CDH10: variants seen among roughly 807,000 people sequenced by gnomAD.
CDH10 encodes cadherin-10.
A neutral mutation model predicts 73.1 loss-of-function variants in CDH10; 30 were observed. The observed-to-expected ratio is 0.41, with a 90% CI of 0.31 to 0.56. The LOEUF (loss-of-function observed/expected upper bound fraction) is 0.56, where lower values mean the gene tolerates loss of function less well. Ranked by LOEUF, CDH10 falls within the 20% of genes least tolerant of loss-of-function variation. The pLI is 0.27. For synonymous variants in CDH10, 345 were observed against 348.2 expected, an observed-to-expected ratio of 0.99 and a Z score of 0.10; for missense variants, 815 against 973.7, an observed-to-expected ratio of 0.84 and a Z score of 2.17.
intron 7 of CDH10, 133 bp from the exon 8 acceptor site, chr5:24,505,381 T>A: frequency 1.4e-6 from 1 of 726,260 alleles, no homozygotes; most frequent in African/African-American, 1.8e-5. Flanking sequence ...GAATGTAGAT[T>A]GTTTGAATGA....
intron 5 of CDH10, among the ~76,000 whole-genome samples, chr5:24,531,297 A>G (rs1743736418): frequency 6.6e-6 from 1 of 152,048 alleles, no homozygotes; most frequent in Non-Finnish European, 1.5e-5. Context: ...CCAGTCACTG[A>G]TGCTTTTACT....
chr5:24,583,379 G>T (rs1579841420), intron 2 of CDH10, among the ~76,000 whole-genome samples: 1 of 152,034 alleles, frequency 6.6e-6, no homozygotes, highest in East Asian at 1.9e-4. Flanking sequence ...GGATCAAGAT[G>T]AGAATCTTAG....
rs2111878754 is a variant in CDH10, at chr5:24,535,249, T to C, written c.677A>G (p.Asn226Ser). 3.1e-6 allele frequency: 5 copies of C among 1,613,020 alleles called. No homozygotes were observed. Among genetic ancestry groups the C allele is most frequent in the Non-Finnish European group, 4.2e-6 (5 of 1,179,518 alleles). ...TTGGTATTGCTCTCTGTTTTCTCTG[T>C]TCATGTTCGGTAAAGCAGTCCTGAT... Reference protein sequence around the residue: ...GIIRTALPNMNRENREQYQVV... With the variant: ...GIIRTALPNMSRENREQYQVV... Residue 226 changes from asparagine (N) to serine (S), a missense_variant, in exon 5 of 12, where the codon AAC (asparagine) becomes AGC (serine). This residue lies in a region of CDH10 where 516 missense variants were observed against 636.6 expected (regional missense o/e 0.81). Transcript: ENST00000264463.
intron 2 of CDH10, among the ~76,000 whole-genome samples, chr5:24,551,960 C>A (rs1449376706): frequency 6.6e-6 from 1 of 151,850 alleles, no homozygotes; most frequent in Non-Finnish European, 1.5e-5. Flanking sequence ...ATTTATTTTC[C>A]ATTTTTGACA....
At chr5:24,503,565 A>G (rs1249503807) in intron 8 of CDH10, among the ~76,000 whole-genome samples, 1 of 152,180 alleles carries the variant, frequency 6.6e-6, no homozygotes, top group African/African-American at 2.4e-5. Context: ...TTGTCCTAGT[A>G]TGGGCAAGAA....
intron 2 of CDH10, among the ~76,000 whole-genome samples, chr5:24,582,791 T>TA (rs1426778842): frequency 6.6e-6 from 1 of 152,106 alleles, no homozygotes; most frequent in Non-Finnish European, 1.5e-5. Flanking sequence ...GCATGAACAA[T>TA]AAAATGTCAC....
At chr5:24,597,724 C>A (rs546164591) in intron 1 of CDH10, among the ~76,000 whole-genome samples, 2 of 151,936 alleles carry the variant, frequency 1.3e-5, no homozygotes, top group Non-Finnish European at 2.9e-5. Flanking sequence ...ATATTATTTT[C>A]TCTATAACCT....
intron 1 of CDH10, among the ~76,000 whole-genome samples, chr5:24,635,222 T>A (rs530876120): frequency 4.4e-4 from 67 of 152,030 alleles, no homozygotes; most frequent in Admixed American, 1.2e-3. Flanking sequence ...TTCTTGAGAT[T>A]TATAGGTATC....
chr5:24,493,037 C>A, intron 9 of CDH10, 112 bp from the exon 10 acceptor site: 3 of 614,968 alleles, frequency 4.9e-6, no homozygotes, highest in East Asian at 2.6e-5. Context: ...ACTTTTATTT[C>A]ATGTGAATGT....
In CDH10 at chr5:24,511,545, C is replaced by CAGAGAGAGAG. The variant is rs55901211; in HGVS notation, c.815-41_815-32dup. ...AAGTATAAAGAAAAGAAGAGAGAGA[C>CAGAGAGAGAG]AGAGAGAGAGAGAGAGAGAGAGAGA... On this transcript the variant is annotated intron_variant, in intron 5 of 11. Coordinates refer to ENST00000264463, the MANE Select transcript of CDH10 (RefSeq NM_006727.5). 6.4e-3 allele frequency: 3,692 copies of CAGAGAGAGAG among 573,910 alleles called. 74 individuals are homozygous for CAGAGAGAGAG. Among genetic ancestry groups the CAGAGAGAGAG allele is most frequent in the African/African-American group, 0.015 (679 of 46,282 alleles). 35.6% of individuals were successfully genotyped at this position (573,910 alleles called of 1,614,324 possible). A position where few individuals can be genotyped will look rare whatever the true frequency, so the allele number is the denominator to read the frequency against.
intron 2 of CDH10, 79 bp from the exon 3 acceptor site, chr5:24,537,753 C>A: frequency 1.2e-6 from 1 of 857,072 alleles, no homozygotes; most frequent in Non-Finnish European, 1.8e-6. Flanking sequence ...GAAGGTCTTT[C>A]ATGTCTCATC....
intron 1 of CDH10, among the ~76,000 whole-genome samples, chr5:24,594,592 C>T (rs1414977068): frequency 6.6e-6 from 1 of 151,838 alleles, no homozygotes; most frequent in Non-Finnish European, 1.5e-5. Flanking sequence ...GACTCTTCTC[C>T]AGCCACAGGG....
intron 5 of CDH10, among the ~76,000 whole-genome samples, chr5:24,517,391 G>A (rs1313323776): frequency 6.6e-6 from 1 of 152,120 alleles, no homozygotes; most frequent in Non-Finnish European, 1.5e-5. Context: ...TTCTAAGTCT[G>A]AAGAATTGAA....
At chr5:24,636,126 T>C (rs1747858779) in intron 1 of CDH10, among the ~76,000 whole-genome samples, 1 of 151,972 alleles carries the variant, frequency 6.6e-6, no homozygotes, top group South Asian at 2.1e-4. Context: ...TAGATAGCAC[T>C]AGAACACCTA....
intron 5 of CDH10, among the ~76,000 whole-genome samples, chr5:24,533,000 C>T (rs1448932338): frequency 2.6e-5 from 4 of 151,982 alleles, no homozygotes; most frequent in Non-Finnish European, 4.4e-5. Context: ...CATTCTAATT[C>T]TCATGAATGT....
chr5:24,517,283 T>C (rs1743143319), intron 5 of CDH10, among the ~76,000 whole-genome samples: 1 of 152,198 alleles, frequency 6.6e-6, no homozygotes, highest in African/African-American at 2.4e-5. Flanking sequence ...TACAATTTCA[T>C]TTCTTGGCGT....
At chr5:24,577,760 G>A (rs1745656890) in intron 2 of CDH10, among the ~76,000 whole-genome samples, 2 of 152,014 alleles carry the variant, frequency 1.3e-5, no homozygotes, top group Admixed American at 6.6e-5. Context: ...GCTATAGGAC[G>A]GCCATGCTCC....
At chr5:24,516,719 C>T (rs1743121239) in intron 5 of CDH10, among the ~76,000 whole-genome samples, 2 of 151,886 alleles carry the variant, frequency 1.3e-5, no homozygotes, top group Admixed American at 1.3e-4. Context: ...TGCCTTTCAA[C>T]ATGTCTTCAT....
intron 1 of CDH10, among the ~76,000 whole-genome samples, chr5:24,599,782 C>T (rs1220215942): frequency 2.0e-5 from 3 of 151,944 alleles, no homozygotes; most frequent in Admixed American, 6.6e-5. Flanking sequence ...CTTTGTGGCA[C>T]GTATTTGTGA....
Sources: allele counts gnomAD v4.1 joint callset (sites outside exome capture counted in the v4.1 genomes callset), GRCh38; gene constraint gnomAD v4.1.1; regional missense constraint gnomAD v4.1.1; transcripts MANE v1.5; gene names NCBI Gene and HGNC (gene_info 2026-07-23, HGNC 2026-07-21).